DLC1: variants seen among roughly 807,000 people sequenced by gnomAD.
The protein encoded by DLC1 is rho GTPase-activating protein 7.
DLC1 carries 54 observed loss-of-function variants against 140.3 expected under a neutral mutation model. That is an observed-to-expected ratio of 0.38 (90% CI 0.31 to 0.48). DLC1 has a LOEUF of 0.48. Ranked by LOEUF, DLC1 falls within the 20% of genes least tolerant of loss-of-function variation. DLC1 has a pLI of 0.96. For synonymous variants in DLC1, 986 were observed against 728.1 expected (o/e 1.35, Z -5.70); for missense variants, 2,536 against 1,907.0 (o/e 1.33, Z -6.14).
At chr8:13,439,921 G>GT (rs1798414448) in intron 2 of DLC1, among the ~76,000 whole-genome samples, 2 of 152,072 alleles carry the variant, frequency 1.3e-5, no homozygotes, top group Admixed American at 1.3e-4. Context: ...ATCGTCATCA[G>GT]TTTTTTCAGC....
chr8:13,228,261 A>T (rs1446603544), intron 5 of DLC1, among the ~76,000 whole-genome samples: 1 of 151,358 alleles, frequency 6.6e-6, no homozygotes, highest in East Asian at 1.9e-4. Flanking sequence ...CTCTATTGTG[A>T]CTCATTTCTT....
chr8:13,084,753 A>G lies in DLC1; in HGVS notation c.*1058T>C, dbSNP rs1235768264. 6.6e-6 allele frequency: 1 copy of G among 152,210 alleles called. No individual in the cohort carries two copies. The highest frequency in any genetic ancestry group is 6.5e-5 in the Admixed American group (1 of 15,272). The allele number at this position is 152,210 out of a possible 1,614,324, so 9.4% of individuals were successfully genotyped here. A position where few individuals can be genotyped will look rare whatever the true frequency, so the allele number is the denominator to read the frequency against. On this transcript the variant is annotated 3_prime_UTR_variant, in exon 18 of 18. Transcript: ENST00000276297. Reference sequence around the variant, plus strand: ...GCCGTTAACAACCAAAGGCGGGGAAAAAGCCTTTTGTAGGTGAGTTAAATT... The same window carrying G: ...GCCGTTAACAACCAAAGGCGGGGAAGAAGCCTTTTGTAGGTGAGTTAAATT...
chr8:13,520,210 C>G (rs540351308), intron 1 of DLC1, among the ~76,000 whole-genome samples: 13 of 152,282 alleles, frequency 8.5e-5, no homozygotes, highest in South Asian at 4.1e-4. Context: ...ATAGAAAAGA[C>G]TTGGAACCAA....
chr8:13,368,293 C>G (rs575379889), intron 4 of DLC1, among the ~76,000 whole-genome samples: 1 of 152,134 alleles, frequency 6.6e-6, no homozygotes, highest in South Asian at 2.1e-4. Flanking sequence ...TTACCAAACT[C>G]AAATTCATAC....
At chr8:13,325,745 T>A (rs1431366925) in intron 4 of DLC1, among the ~76,000 whole-genome samples, 3 of 152,182 alleles carry the variant, frequency 2.0e-5, no homozygotes, top group Non-Finnish European at 4.4e-5. Context: ...CTGGGAAAAA[T>A]GGGCATTAAA....
chr8:13,151,032 A>T (rs1251233396), intron 5 of DLC1, among the ~76,000 whole-genome samples: 2 of 152,224 alleles, frequency 1.3e-5, no homozygotes, highest in African/African-American at 4.8e-5. Context: ...TTGGGAGGTA[A>T]TAACTAGGAA....
rs375103328 is a variant in DLC1 at position 13,100,487 on chromosome 8, C to G, written c.1850G>C (p.Arg617Pro). ...GCAAACGCTGATGACGGAGTTAGTC[C>G]GGGGGGTGGCAGCATCCTCGCTGGG... is the stretch of plus-strand genomic sequence containing the variant. ...APPSEDAATP[R>P]TNSVISVCSS... Residue 617 changes from arginine (R) to proline (P), a missense_variant, in exon 9 of 18, where the codon CGG (arginine) becomes CCG (proline). Arg to Pro is a moderately radical substitution (Grantham distance 103, BLOSUM62 -2). Transcript: ENST00000276297. 1.9e-6 allele frequency: 3 copies of G among 1,612,648 alleles called. No homozygotes were observed. The highest frequency in any genetic ancestry group is 2.5e-6 in the Non-Finnish European group (3 of 1,179,944).
intron 5 of DLC1, among the ~76,000 whole-genome samples, chr8:13,179,580 G>C (rs1299263285): frequency 6.6e-6 from 1 of 151,878 alleles, no homozygotes; most frequent in Non-Finnish European, 1.5e-5. Context: ...AATTAGCTGG[G>C]CATGGTAGCT....
chr8:13,354,709 C>A lies in DLC1; in HGVS notation c.1314+38844G>T, dbSNP rs151297710. Reference sequence around the variant, plus strand: ...TCTGTAATCCCAGCACTTTGGGAGGCCGAAGTGGGTGGATTGCTTGAGCAC... The same window carrying A: ...TCTGTAATCCCAGCACTTTGGGAGGACGAAGTGGGTGGATTGCTTGAGCAC... On this transcript the variant is annotated intron_variant, in intron 4 of 17. Transcript: ENST00000276297. 1.2e-3 allele frequency among the ~76,000 whole-genome samples: 176 copies of A among 151,394 alleles called. 2 individuals are homozygous for A. The East Asian group carries it at 0.03, about 26-fold the overall frequency.
chr8:13,537,844 A>G lies in DLC1; in HGVS notation c.-125-37648T>C, dbSNP rs369669350. On this transcript the variant is annotated intron_variant, in intron 1 of 1. Coordinates refer to the DLC1 transcript ENST00000631382. ...AATTTTTTGTATTTTTACTGGAGAC[A>G]GGGTTTCACTGTGTTAGTCAGGATA... is the stretch of plus-strand genomic sequence containing the variant. Among the ~76,000 whole-genome samples, 76 of 151,916 alleles carry G rather than the reference A, an allele frequency of 5.0e-4. 2 individuals carry two copies. The South Asian group carries it at 0.012, about 25-fold the overall frequency.
chr8:13,309,016 C>T (rs187083849), intron 4 of DLC1, among the ~76,000 whole-genome samples: 2 of 151,976 alleles, frequency 1.3e-5, no homozygotes, highest in African/African-American at 4.8e-5. Flanking sequence ...ACTAAAACAC[C>T]GAATGCCTAT....
At position 13,276,361 on chromosome 8, in the gene DLC1, G is replaced by T. The variant is rs562218049; in HGVS notation, c.1348+28908C>A. ...CTAAAGGACCTCCGGAGAGGGGCTC[G>T]CAGGGGGCGCGCCATCACGTGGGCC... On this transcript the variant is annotated intron_variant, in intron 5 of 17. Transcript: ENST00000276297. 1.3e-5 allele frequency: 20 copies of T among 1,522,136 alleles called. No homozygotes were observed. In the East Asian group the frequency reaches 1.5e-4, roughly 12 times the overall value. 94.3% of individuals were successfully genotyped at this position (1,522,136 alleles called of 1,614,324 possible).
chr8:13,094,218 A>G (rs1418812253), intron 12 of DLC1, among the ~76,000 whole-genome samples: 1 of 152,218 alleles, frequency 6.6e-6, no homozygotes, highest in Non-Finnish European at 1.5e-5. Flanking sequence ...TTTGCACGTA[A>G]AAACGTACAA....
chr8:13,591,487 C>T (rs1300025242), intron 1 of DLC1, among the ~76,000 whole-genome samples: 1 of 152,236 alleles, frequency 6.6e-6, no homozygotes, highest in Admixed American at 6.5e-5. Context: ...CCCCTTCCAA[C>T]ATGATTGTAA....
chr8:13,309,540 T>C (rs1832585908), intron 4 of DLC1, among the ~76,000 whole-genome samples: 1 of 152,210 alleles, frequency 6.6e-6, no homozygotes, highest in African/African-American at 2.4e-5. Context: ...CAATTTGCTT[T>C]CTTCTAATGA....
chr8:13,403,687 G>GT (rs1837395920), intron 2 of DLC1, among the ~76,000 whole-genome samples: 1 of 151,524 alleles, frequency 6.6e-6, no homozygotes, highest in Non-Finnish European at 1.5e-5. Context: ...CCAGGCTGTA[G>GT]TGCAGTGCAG....
intron 5 of DLC1, among the ~76,000 whole-genome samples, chr8:13,169,506 C>CA (rs1563132317): frequency 6.6e-6 from 1 of 152,142 alleles, no homozygotes; most frequent in Admixed American, 6.6e-5. Flanking sequence ...TAAAGAACAG[C>CA]TTTTTTTCCT....
At chr8:13,378,757 C>T (rs373571124) in intron 4 of DLC1, among the ~76,000 whole-genome samples, 1 of 152,044 alleles carries the variant, frequency 6.6e-6, no homozygotes. Flanking sequence ...CTTATTAAAA[C>T]TTTGATTTAA....
At chr8:13,195,242 G>T (rs80144522) in intron 5 of DLC1, among the ~76,000 whole-genome samples, 12,261 of 151,926 alleles carry the variant, frequency 0.081, 670 homozygotes, top group South Asian at 0.16. Context: ...TGTAGCTTCA[G>T]AGTTGCATGG....
Sources: gnomAD v4.1 joint callset for allele counts (sites outside exome capture counted in the v4.1 genomes callset) on GRCh38, gnomAD v4.1.1 for gene constraint, MANE v1.5 for transcripts, NCBI Gene and HGNC (gene_info 2026-07-23, HGNC 2026-07-21) for gene names.